The following REEP5 variants were observed in gnomAD, a reference collection of about 807,000 sequenced individuals.
REEP5 encodes receptor accessory protein 5.
REEP5 carries 24 observed loss-of-function variants against 22.4 expected under a neutral mutation model. That is an observed-to-expected ratio of 1.07 (90% CI 0.78 to 1.51). The LOEUF (loss-of-function observed/expected upper bound fraction) is 1.51, where lower values mean the gene tolerates loss of function less well. Ranked by LOEUF, REEP5 falls within the 40% of genes most tolerant of loss-of-function variation. The pLI is 0.00. For synonymous variants in REEP5, 103 were observed against 88.6 expected (o/e 1.16, Z -0.92); for missense variants, 252 against 233.0 (o/e 1.08, Z -0.53).
chr5:112,896,934 A>C (rs555527378), intron 3 of REEP5: 2 of 152,344 alleles, frequency 1.3e-5, no homozygotes, highest in Admixed American at 1.3e-4. Flanking sequence ...GTCTCAAAAA[A>C]AGTAAAGTAA....
At chr5:112,903,992 T>G (rs551477647) in intron 2 of REEP5, among the ~76,000 whole-genome samples, 1 of 152,260 alleles carries the variant, frequency 6.6e-6, no homozygotes. Flanking sequence ...CCACCACACC[T>G]AGCTACTTGC....
Position 112,902,484 on chromosome 5 carries a change from C to T in REEP5, c.247G>A (p.Asp83Asn), listed in dbSNP as rs758022891. Residue 83 changes from aspartate (D) to asparagine (N), a missense_variant, in exon 3 of 5, where the codon GAT becomes AAT. Transcript: ENST00000379638. Reference protein sequence around the residue: ...KAIESPNKEDDTQWLTYWVVY... With the variant: ...KAIESPNKEDNTQWLTYWVVY... ...ACCCAGTAGGTCAGCCACTGGGTAT[C>T]ATCTTCTTTGTTGGGACTCTCTATA... 6.2e-7 allele frequency: 1 copy of T among 1,609,852 alleles called. No homozygotes were observed. The highest frequency in any genetic ancestry group is 1.1e-5 in the South Asian group (1 of 90,210).
intron 2 of REEP5, among the ~76,000 whole-genome samples, chr5:112,915,210 G>C (rs985088737): frequency 6.7e-6 from 1 of 149,890 alleles, no homozygotes; most frequent in African/African-American, 2.4e-5. Flanking sequence ...CCTTCATAAA[G>C]AGAAAAAAAA....
chr5:112,912,780 A>G (rs1049964218), intron 2 of REEP5, among the ~76,000 whole-genome samples: 1 of 152,164 alleles, frequency 6.6e-6, no homozygotes, highest in South Asian at 2.1e-4. Flanking sequence ...TAGTAATTCA[A>G]AATGGTTTTC....
chr5:112,911,359 A>G (rs1769098398), intron 2 of REEP5, among the ~76,000 whole-genome samples: 2 of 148,696 alleles, frequency 1.3e-5, no homozygotes, highest in Admixed American at 1.3e-4. Flanking sequence ...GTGCATCATC[A>G]CCAAAAGCTT....
Position 112,921,244 on chromosome 5 carries a change from A to C in REEP5, c.131T>G (p.Leu44Arg). 2 of 1,614,178 alleles carry C rather than the reference A, an allele frequency of 1.2e-6. No individual in the cohort carries two copies. The highest frequency in any genetic ancestry group is 1.7e-6 in the Non-Finnish European group (2 of 1,180,022). ...ACCGAACACCAGGTACAAGGCCACCAGTCCGATGACACCTGGGGACCACAA... is the reference window on the plus strand; with the variant it reads ...ACCGAACACCAGGTACAAGGCCACCCGTCCGATGACACCTGGGGACCACAA... ...RSFIALGVIG[L>R]VALYLVFGYG... Residue 44 changes from leucine to arginine, a missense_variant, in exon 2 of 5, where the codon CTG becomes CGG. Leu to Arg is a moderately radical substitution (Grantham distance 102). Transcript: ENST00000379638.
chr5:112,905,732 C>T (rs1324641891), intron 2 of REEP5, among the ~76,000 whole-genome samples: 1 of 151,876 alleles, frequency 6.6e-6, no homozygotes, highest in Non-Finnish European at 1.5e-5. Context: ...GTGATCCTCC[C>T]ACCTCAGCCT....
chr5:112,921,287 G>A (rs374762293), intron 1 of REEP5, 31 bp from the exon 2 acceptor site: 1 of 1,606,826 alleles, frequency 6.2e-7, no homozygotes, highest in African/African-American at 1.3e-5. Flanking sequence ...AGTGGGTCGG[G>A]CAGCATGAGA....
Position 112,922,149 on chromosome 5 carries a change from G to A in REEP5, c.42C>T (p.His14=), listed in dbSNP as rs1769388517. The A allele has an allele frequency of 6.2e-7, 1 of 1,607,996 alleles. No homozygotes were observed. The highest frequency in any genetic ancestry group is 1.3e-5 in the African/African-American group (1 of 74,268). Residue 14 remains histidine (H), a synonymous_variant, in exon 1 of 5, where the codon CAC becomes CAT. Coordinates refer to ENST00000379638, the MANE Select transcript of REEP5 (RefSeq NM_005669.5). ...GAAGGTCAGTCATGCAGTTCTTCTC[G>A]TGCAGGAACCGGTCGAACCTCTCCC... ...AMRERFDRFL[H]EKNCMTDLLA... is the part of the protein sequence containing the mutation.
At chr5:112,901,711 C>G (rs1403824016) in intron 3 of REEP5, among the ~76,000 whole-genome samples, 1 of 144,928 alleles carries the variant, frequency 6.9e-6, no homozygotes, top group African/African-American at 2.6e-5. Context: ...GAGTCCATCT[C>G]AGAAAAAAAA....
At chr5:112,901,649 T>C (rs1184541586) in intron 3 of REEP5, among the ~76,000 whole-genome samples, 2 of 150,858 alleles carry the variant, frequency 1.3e-5, no homozygotes, top group Admixed American at 1.3e-4. Flanking sequence ...GATGCGGAGG[T>C]TGCAGTGAGC....
intron 2 of REEP5, among the ~76,000 whole-genome samples, chr5:112,913,433 G>A (rs1048383962): frequency 6.6e-6 from 1 of 150,772 alleles, no homozygotes; most frequent in African/African-American, 2.4e-5. Context: ...AAAGATTACA[G>A]AGGCAGTGGA....
intron 2 of REEP5, among the ~76,000 whole-genome samples, chr5:112,917,624 C>A (rs1351777753): frequency 6.6e-6 from 1 of 152,178 alleles, no homozygotes; most frequent in Admixed American, 6.5e-5. Context: ...GGCCCTGGCT[C>A]ACTAGCGCCC....
chr5:112,897,351 TCACACACACACACACA>T lies in REEP5; in HGVS notation c.351+5013_351+5028del, dbSNP rs34612314. 6.1e-5 allele frequency: 6 copies of T among 97,820 alleles called. No individual in the cohort carries two copies. The East Asian group carries it at 9.6e-4, about 16-fold the overall frequency. 6.1% of individuals were successfully genotyped at this position (97,820 alleles called of 1,614,324 possible). ...TCCTCCCTACATAAAACACATCCCA[TCACACACACACACACA>T]CACACACACACACACACACACACAC... On this transcript the variant is annotated intron_variant, in intron 3 of 4. Coordinates refer to ENST00000379638, the MANE Select transcript of REEP5 (RefSeq NM_005669.5).
At chr5:112,883,459 A>G (rs540498151) in intron 4 of REEP5, among the ~76,000 whole-genome samples, 2 of 152,232 alleles carry the variant, frequency 1.3e-5, no homozygotes, top group South Asian at 2.1e-4. Context: ...CCACACGCTC[A>G]TGGTTTTCTT....
At position 112,878,771 on chromosome 5, in the gene REEP5, T is replaced by G; in HGVS notation, c.*15A>C. ...GAAGGTACAGAGAGGGCAGGAAGTT[T>G]CCATCCAGTCTGGTTTAGGTGCTCT... On this transcript the variant is annotated 3_prime_UTR_variant, in exon 5 of 5. Transcript: ENST00000379638. The G allele has an allele frequency of 1.2e-6, 2 of 1,614,114 alleles. No individual in the cohort carries two copies. The highest frequency in any genetic ancestry group is 1.7e-6 in the Non-Finnish European group (2 of 1,180,008).
chr5:112,878,974 T>C, intron 4 of REEP5, 139 bp from the exon 5 acceptor site: 1 of 1,376,574 alleles, frequency 7.3e-7, no homozygotes, highest in Non-Finnish European at 1.0e-6. Flanking sequence ...ATGTTGGGGT[T>C]TGTGGTCTGG....
chr5:112,906,537 A>C (rs913636837), intron 2 of REEP5, among the ~76,000 whole-genome samples: 1 of 152,168 alleles, frequency 6.6e-6, no homozygotes, highest in Non-Finnish European at 1.5e-5. Context: ...AGGCAGGGTC[A>C]TAGTCTCAGT....
intron 2 of REEP5, 29 bp from the exon 3 acceptor site, chr5:112,902,547 C>A: frequency 6.5e-7 from 1 of 1,540,366 alleles, no homozygotes; most frequent in South Asian, 1.3e-5. Flanking sequence ...GAAAGTATAT[C>A]ATTTGGTAAG....
Sources: gnomAD v4.1 joint callset for allele counts (sites outside exome capture counted in the v4.1 genomes callset) on GRCh38, gnomAD v4.1.1 for gene constraint, MANE v1.5 for transcripts, NCBI Gene and HGNC (gene_info 2026-07-23, HGNC 2026-07-21) for gene names.